The following DNAH17 variants were observed in gnomAD, a reference collection of about 807,000 sequenced individuals.
DNAH17 encodes dynein axonemal heavy chain 17.
A neutral mutation model predicts 485.6 loss-of-function variants in DNAH17; 376 were observed. The observed-to-expected ratio is 0.77, with a 90% CI of 0.71 to 0.84. The LOEUF (loss-of-function observed/expected upper bound fraction) is 0.84. Ranked by LOEUF, DNAH17 falls within the 40% of genes least tolerant of loss-of-function variation. DNAH17 has a pLI of 0.00. For missense variants in DNAH17, 6,370 were observed against 5,839.3 expected, an observed-to-expected ratio of 1.09 and a Z score of -2.96; for synonymous variants, 3,031 against 2,405.9, an observed-to-expected ratio of 1.26 and a Z score of -7.60.
intron 74 of DNAH17, among the ~76,000 whole-genome samples, chr17:78,434,749 C>G (rs1453718011): frequency 6.6e-6 from 1 of 152,170 alleles, no homozygotes. Flanking sequence ...TAAATTGTGA[C>G]TCCTACGTCT....
chr17:78,475,362 G>T lies in DNAH17; in HGVS notation c.8427C>A (p.Ser2809Arg). 3 of 1,613,986 alleles carry T rather than the reference G, an allele frequency of 1.9e-6. No homozygotes were observed. Among genetic ancestry groups the T allele is most frequent in the Non-Finnish European group, 2.5e-6 (3 of 1,179,894 alleles). Reference protein sequence around the residue: ...LVGVGGSGKQSLSRLAAYISG... With the variant: ...LVGVGGSGKQRLSRLAAYISG... ...TGATGTACGCTGCCAGGCGGGAGAGGCTCTGTTTGCCACTGCCGCCCACCC... is the reference window on the plus strand; with the variant it reads ...TGATGTACGCTGCCAGGCGGGAGAGTCTCTGTTTGCCACTGCCGCCCACCC... Residue 2809 changes from serine to arginine, a missense_variant, in exon 54 of 81, where the codon AGC becomes AGA. Coordinates refer to ENST00000389840, the MANE Select transcript of DNAH17 (RefSeq NM_173628.4).
chr17:78,449,520 C>G lies in DNAH17; in HGVS notation c.11105G>C (p.Arg3702Pro), dbSNP rs751199020. ...RTTPANEVKQRVINLTDEITY... is the reference protein window; with the variant it reads ...RTTPANEVKQPVINLTDEITY... Reference sequence around the variant, plus strand: ...GATCTCGTCCGTCAGGTTGATCACCCGCTGCTTCACCTCGTTGGCAGGGGT... The same window carrying G: ...GATCTCGTCCGTCAGGTTGATCACCGGCTGCTTCACCTCGTTGGCAGGGGT... Residue 3702 changes from arginine (R) to proline (P), a missense_variant, in exon 69 of 81, where the codon CGG (arginine) becomes CCG (proline). Arg to Pro is a moderately radical substitution (Grantham distance 103). Transcript: ENST00000389840. 5.6e-6 allele frequency: 9 copies of G among 1,597,166 alleles called. No individual in the cohort carries two copies. Among genetic ancestry groups the G allele is most frequent in the Non-Finnish European group, 1.7e-6 (2 of 1,172,106 alleles).
chr17:78,509,980 G>A (rs908134060), intron 27 of DNAH17, among the ~76,000 whole-genome samples: 11 of 152,094 alleles, frequency 7.2e-5, no homozygotes, highest in Admixed American at 1.3e-4. Context: ...TCAGGAGCTC[G>A]AGACCAGACT....
intron 9 of DNAH17, among the ~76,000 whole-genome samples, chr17:78,568,817 G>A (rs950464918): frequency 6.6e-6 from 1 of 152,152 alleles, no homozygotes; most frequent in Non-Finnish European, 1.5e-5. Context: ...CTTGCACGGG[G>A]GCCTTCATAA....
chr17:78,562,104 A>C, intron 11 of DNAH17, 124 bp from the exon 12 acceptor site: 1 of 1,204,284 alleles, frequency 8.3e-7, no homozygotes, highest in Non-Finnish European at 1.1e-6. Flanking sequence ...TGCCAAAACA[A>C]AACAATCCAC....
chr17:78,545,612 C>A (rs1212596084), intron 16 of DNAH17, among the ~76,000 whole-genome samples: 1 of 152,124 alleles, frequency 6.6e-6, no homozygotes, highest in Non-Finnish European at 1.5e-5. Flanking sequence ...CCCAGGGCCA[C>A]GTCTCCAAGA....
At chr17:78,495,135 TC>T in intron 38 of DNAH17, 38 bp from the exon 39 acceptor site, 1 of 1,552,190 alleles carries the variant, frequency 6.4e-7, no homozygotes, top group Admixed American at 1.9e-5. Context: ...TTCTGCCCAC[TC>T]CCTCCCCAAC....
intron 55 of DNAH17, 130 bp downstream of exon 55, chr17:78,468,487 C>T: frequency 1.6e-6 from 2 of 1,268,254 alleles, no homozygotes; most frequent in South Asian, 3.2e-5. Flanking sequence ...ACCCCTCACA[C>T]TCTCCTAACA....
chr17:78,454,948 C>T (rs2087726889), intron 63 of DNAH17, among the ~76,000 whole-genome samples: 1 of 151,906 alleles, frequency 6.6e-6, no homozygotes, highest in South Asian at 2.1e-4. Context: ...CTCACTCTGT[C>T]ACCCAGGCTG....
rs769378753 is a variant in DNAH17 at position 78,479,657 on chromosome 17, C to T, written c.7753-25G>A. 58 of 1,610,346 alleles carry T rather than the reference C, an allele frequency of 3.6e-5. No individual in the cohort carries two copies. In the South Asian group the frequency reaches 5.9e-4, roughly 16 times the overall value. On this transcript the variant is annotated intron_variant, in intron 49 of 80. Coordinates refer to ENST00000389840, the MANE Select transcript of DNAH17 (RefSeq NM_173628.4). ...GCTACCCCAAAACAACCAAACACTC[C>T]AGTCAGCCAGCTCTTGGGGACCTGC...
chr17:78,524,713 G>A (rs956237234), intron 25 of DNAH17, among the ~76,000 whole-genome samples: 2 of 150,992 alleles, frequency 1.3e-5, no homozygotes, highest in African/African-American at 4.8e-5. Flanking sequence ...TTTAAAAAAG[G>A]TGAGATGTGA....
At chr17:78,549,913 A>C (rs1360318627) in intron 16 of DNAH17, among the ~76,000 whole-genome samples, 1 of 152,212 alleles carries the variant, frequency 6.6e-6, no homozygotes, top group African/African-American at 2.4e-5. Context: ...TTCTGGATTT[A>C]ACAGTTCAGT....
intron 47 of DNAH17, chr17:78,485,285 G>T: frequency 1.6e-6 from 1 of 623,070 alleles, no homozygotes; most frequent in Non-Finnish European, 2.8e-6. Context: ...CCTTAGATTG[G>T]CTGAGACACT....
At position 78,423,757 on chromosome 17, in the gene DNAH17, T is replaced by A. The variant is rs2086197308; in HGVS notation, c.*149A>T. 2 of 1,044,556 alleles carry A rather than the reference T, an allele frequency of 1.9e-6. No homozygotes were observed. The highest frequency in any genetic ancestry group is 3.0e-5 in the South Asian group (2 of 66,612). 64.7% of individuals were successfully genotyped at this position (1,044,556 alleles called of 1,614,324 possible). A position where few individuals can be genotyped will look rare whatever the true frequency, so the allele number is the denominator to read the frequency against. ...TTCCACACCAACCTCCACCCTCTGG[T>A]TCCGATGTGCTTGGTTACAAAGCAC... is the stretch of plus-strand genomic sequence containing the variant. On this transcript the variant is annotated 3_prime_UTR_variant, in exon 81 of 81. Coordinates refer to ENST00000389840, the MANE Select transcript of DNAH17 (RefSeq NM_173628.4).
At position 78,425,450 on chromosome 17, in the gene DNAH17, G is replaced by A. The variant is rs570056995; in HGVS notation, c.13037C>T (p.Pro4346Leu). Residue 4346 changes from proline (P) to leucine (L), a missense_variant, in exon 80 of 81, where the codon CCC (proline) becomes CTC (leucine). Physicochemically the swap from Pro to Leu is moderately conservative, Grantham distance 98. Coordinates refer to ENST00000389840, the MANE Select transcript of DNAH17 (RefSeq NM_173628.4). The part of the protein sequence containing the change: ...MQSMARKNEW[P>L]LDKMCLSVEV... ...GACAGACAGACACATCTTGTCCAGG[G>A]GCCACTCGTTCTTCCTGGCCATGGA... The A allele has an allele frequency of 1.9e-6, 3 of 1,613,966 alleles. No homozygotes were observed. Among genetic ancestry groups the A allele is most frequent in the Admixed American group, 1.7e-5 (1 of 60,028 alleles).
intron 50 of DNAH17, 124 bp downstream of exon 50, chr17:78,479,361 C>A (rs2089247384): frequency 7.8e-6 from 10 of 1,278,466 alleles, no homozygotes; most frequent in Non-Finnish European, 9.4e-6. Context: ...AACATAGCAT[C>A]GTTTTTAAGA....
intron 74 of DNAH17, among the ~76,000 whole-genome samples, chr17:78,437,288 G>A (rs2086879895): frequency 6.6e-6 from 1 of 152,140 alleles, no homozygotes; most frequent in Non-Finnish European, 1.5e-5. Flanking sequence ...GTACCCCACG[G>A]AGCTTGGCCC....
chr17:78,567,312 T>C lies in DNAH17; in HGVS notation c.1285-146A>G, dbSNP rs961273481. ...CAACCATGGGGGTGGGAGGACACCCTCTGTGTCTGTGCTGTTCTTTAAGCA... is the reference window on the plus strand; with the variant it reads ...CAACCATGGGGGTGGGAGGACACCCCCTGTGTCTGTGCTGTTCTTTAAGCA... On this transcript the variant is annotated intron_variant, in intron 9 of 80. Coordinates refer to ENST00000389840, the MANE Select transcript of DNAH17 (RefSeq NM_173628.4). 9 of 739,252 alleles carry C rather than the reference T, an allele frequency of 1.2e-5. No homozygotes were observed. In the African/African-American group the frequency reaches 1.4e-4, roughly 12 times the overall value. 45.8% of individuals were successfully genotyped at this position (739,252 alleles called of 1,614,324 possible). A position where few individuals can be genotyped will look rare whatever the true frequency, so the allele number is the denominator to read the frequency against.
Position 78,530,392 on chromosome 17 carries a change from G to A in DNAH17, c.3235C>T (p.Arg1079Cys), listed in dbSNP as rs554442688. Residue 1079 changes from arginine to cysteine, a missense_variant, in exon 21 of 81, where the codon CGC (arginine) becomes TGC (cysteine). By Grantham distance (180) the Arg-to-Cys change is radical. Transcript: ENST00000389840. ...TGCCGCTTGAACATGAAGCCCCAGC[G>A]CCGGATTGTGCTGAGCAGGGCCTGC... ...FKQALLSTIR[R>C]WGFMFKRHLS... The A allele has an allele frequency of 2.9e-5, 46 of 1,613,356 alleles. No individual in the cohort carries two copies. The highest frequency in any genetic ancestry group is 2.0e-4 in the South Asian group (18 of 91,068).
Sources: allele counts gnomAD v4.1 joint callset (sites outside exome capture counted in the v4.1 genomes callset), GRCh38; gene constraint gnomAD v4.1.1; transcripts MANE v1.5; gene names NCBI Gene and HGNC (gene_info 2026-07-23, HGNC 2026-07-21).